The following CUX1 variants were observed in gnomAD, a reference collection of about 807,000 sequenced individuals.
The protein encoded by CUX1 is protein CASP.
A neutral mutation model predicts 158.8 loss-of-function variants in CUX1; 31 were observed. The ratio of observed to expected loss-of-function variants is 0.20; its 90% CI spans 0.15 to 0.26. The LOEUF (loss-of-function observed/expected upper bound fraction) is 0.26. CUX1 is among the 10% of genes least tolerant of loss of function. The pLI, the probability that CUX1 is intolerant of heterozygous loss-of-function variation, is 1.00. For missense variants in CUX1, 1,589 were observed against 2,014.6 expected (o/e 0.79, Z 4.04); for synonymous variants, 879 against 862.1 (o/e 1.02, Z -0.34).
At chr7:102,217,229 T>C (rs1372871975) in intron 20 of CUX1, among the ~76,000 whole-genome samples, 1 of 152,252 alleles carries the variant, frequency 6.6e-6, no homozygotes, top group Non-Finnish European at 1.5e-5. Flanking sequence ...CAAAATCGAA[T>C]TGTAATTTAA....
intron 1 of CUX1, among the ~76,000 whole-genome samples, chr7:101,910,265 G>GC (rs961394874): frequency 4.6e-5 from 7 of 152,084 alleles, no homozygotes; most frequent in African/African-American, 1.7e-4. Context: ...TCCCGCCTTA[G>GC]CCCCCCAAGT....
chr7:102,111,636 C>T, intron 6 of CUX1, 62 bp from the exon 7 acceptor site: 3 of 1,483,592 alleles, frequency 2.0e-6, no homozygotes, highest in Non-Finnish European at 2.8e-6. Flanking sequence ...AGCCGAAAGG[C>T]ACACGTGCAT....
At chr7:102,144,971 C>T (rs1834869133) in intron 8 of CUX1, among the ~76,000 whole-genome samples, 1 of 151,344 alleles carries the variant, frequency 6.6e-6, no homozygotes, top group Non-Finnish European at 1.5e-5. Flanking sequence ...ACCTGTAGTC[C>T]CAGCTACTCA....
At chr7:102,211,052 C>A (rs1796459651) in intron 20 of CUX1, among the ~76,000 whole-genome samples, 1 of 152,206 alleles carries the variant, frequency 6.6e-6, no homozygotes, top group Non-Finnish European at 1.5e-5. Flanking sequence ...TCGGCTCTCC[C>A]ACATTCATGG....
chr7:101,837,394 T>A (rs1794745144), intron 1 of CUX1, among the ~76,000 whole-genome samples: 1 of 152,192 alleles, frequency 6.6e-6, no homozygotes, highest in Non-Finnish European at 1.5e-5. Context: ...TTTAGTTGTG[T>A]ATGTGTATCT....
chr7:102,176,097 A>G (rs782547551), intron 10 of CUX1, among the ~76,000 whole-genome samples: 3 of 152,248 alleles, frequency 2.0e-5, no homozygotes, highest in Non-Finnish European at 4.4e-5. Context: ...GGTCAGGAGA[A>G]CCGAAACACC....
In CUX1 at chr7:101,828,652, G is replaced by A. The variant is rs996087931; in HGVS notation, c.30+10983G>A. Among the ~76,000 whole-genome samples, 63 of 152,276 alleles carry A rather than the reference G, an allele frequency of 4.1e-4. 1 individual carries two copies. Among genetic ancestry groups the A allele is most frequent in the African/African-American group, 1.5e-3 (62 of 41,558 alleles). On this transcript the variant is annotated intron_variant, in intron 1 of 23. Transcript: ENST00000292535. ...ACCCCGTCCCTGTGTCTGGGCAAAG[G>A]CACGCCCCGCTCCAGGTCGGCCCCA...
chr7:101,839,251 C>T (rs1209823559), intron 1 of CUX1, among the ~76,000 whole-genome samples: 5 of 152,188 alleles, frequency 3.3e-5, no homozygotes, highest in South Asian at 2.1e-4. Context: ...CTAGCTCACA[C>T]GTCCATTTCC....
intron 2 of CUX1, among the ~76,000 whole-genome samples, chr7:101,972,233 T>A (rs1812049106): frequency 6.6e-6 from 1 of 152,258 alleles, no homozygotes; most frequent in Non-Finnish European, 1.5e-5. Context: ...CCCAAAGTGC[T>A]GGGATTACAG....
chr7:101,907,650 A>G (rs1306198411), intron 1 of CUX1, among the ~76,000 whole-genome samples: 2 of 152,118 alleles, frequency 1.3e-5, no homozygotes, highest in Non-Finnish European at 2.9e-5. Context: ...ACTGGCCACA[A>G]ACTTATGAAA....
intron 2 of CUX1, among the ~76,000 whole-genome samples, chr7:101,936,732 G>A (rs551550166): frequency 1.3e-3 from 197 of 152,260 alleles, no homozygotes; most frequent in Admixed American, 8.8e-3. Context: ...CATCCCCACC[G>A]GCCTCCTCGC....
chr7:102,141,210 T>G (rs1382270418), intron 8 of CUX1, among the ~76,000 whole-genome samples: 1 of 152,190 alleles, frequency 6.6e-6, no homozygotes, highest in Non-Finnish European at 1.5e-5. Flanking sequence ...AGGCAGACTT[T>G]CGGTGCCAGC....
rs782287393 is a variant in CUX1 at position 102,196,960 on chromosome 7, A to G, written c.1549A>G (p.Ile517Val). 8.7e-6 allele frequency: 14 copies of G among 1,614,140 alleles called. No homozygotes were observed. The highest frequency in any genetic ancestry group is 5.0e-5 in the Admixed American group (3 of 60,008). Residue 517 changes from isoleucine (I) to valine (V), a missense_variant, in exon 15 of 24, where the codon ATA becomes GTA. Physicochemically the swap from Ile to Val is conservative, Grantham distance 29. Coordinates refer to ENST00000292535, the MANE Select transcript of CUX1 (RefSeq NM_181552.4). The stretch of plus-strand genomic sequence containing the variant: ...AACAGGTCCATACAGCACAAACTCC[A>G]TATCTTCCCAAAGTCCATTACAACA... ...FSTGPYSTNS[I>V]SSQSPLQQSP...
intron 20 of CUX1, among the ~76,000 whole-genome samples, chr7:102,211,509 A>T (rs1438735739): frequency 6.9e-6 from 1 of 145,402 alleles, no homozygotes; most frequent in Non-Finnish European, 1.5e-5. Flanking sequence ...GGCTGGGCGC[A>T]GTGGCTCACA....
rs1377365336 is a variant in CUX1 at position 102,248,867 on chromosome 7, G to A, written c.4343G>A (p.Ser1448Asn). Reference protein sequence around the residue: ...APPPSNSSSSSAPRRPSSLQS... With the variant: ...APPPSNSSSSNAPRRPSSLQS... ...CCGCCCAGCAACAGCAGCAGCAGCA[G>A]CGCCCCCCGCAGGCCCAGCTCGCTG... The change falls in exon 24 of 24, where the codon AGC (serine) becomes AAC (asparagine). Residue 1448 changes from serine to asparagine, a missense_variant. Ser to Asn is a conservative substitution (Grantham distance 46). Coordinates refer to ENST00000292535, the MANE Select transcript of CUX1 (RefSeq NM_181552.4). This position sits in a 1 kb window ranked among gnomAD's most constrained non-coding sequence, Gnocchi z 5.8. The A allele has an allele frequency of 7.7e-7, 1 of 1,305,890 alleles. No individual in the cohort carries two copies. Among genetic ancestry groups the A allele is most frequent in the Non-Finnish European group, 9.8e-7 (1 of 1,020,846 alleles). The allele number at this position is 1,305,890 out of a possible 1,614,324, so 80.9% of individuals were successfully genotyped here.
intron 8 of CUX1, chr7:102,153,456 G>T (rs1208894865): frequency 2.0e-5 from 3 of 152,314 alleles, no homozygotes; most frequent in Non-Finnish European, 4.4e-5. Context: ...CCCAAGATCA[G>T]GGAGCTGCAC....
intron 2 of CUX1, among the ~76,000 whole-genome samples, chr7:101,967,421 C>T (rs955300598): frequency 2.6e-5 from 4 of 152,214 alleles, no homozygotes; most frequent in South Asian, 2.1e-4. Flanking sequence ...CTGGTAGCCG[C>T]GGACAATTTG....
intron 8 of CUX1, among the ~76,000 whole-genome samples, chr7:102,144,515 G>A (rs192567578): frequency 2.0e-5 from 3 of 151,684 alleles, no homozygotes; most frequent in Admixed American, 1.3e-4. Flanking sequence ...TAGTCACAGC[G>A]CAATTAGCAC....
chr7:102,014,971 G>C (rs1355741302), intron 2 of CUX1, among the ~76,000 whole-genome samples: 3 of 151,994 alleles, frequency 2.0e-5, no homozygotes, highest in Non-Finnish European at 4.4e-5. Context: ...CTGCCTCCGT[G>C]TCCACCATGC....
Sources: allele counts gnomAD v4.1 joint callset (sites outside exome capture counted in the v4.1 genomes callset), GRCh38; gene constraint gnomAD v4.1.1; non-coding constraint Gnocchi (gnomAD v3.1); transcripts MANE v1.5; gene names NCBI Gene and HGNC (gene_info 2026-07-23, HGNC 2026-07-21).